SMARCE1: variants seen among roughly 807,000 people sequenced by gnomAD.
SMARCE1 encodes the protein SWI/SNF related BAF chromatin remodeling complex subunit E1.
Under a neutral mutation model 54.9 loss-of-function variants are expected in SMARCE1, and 13 were observed. That is an observed-to-expected ratio of 0.24 (90% CI 0.15 to 0.38). The LOEUF (loss-of-function observed/expected upper bound fraction) is 0.38. Among genes scored for constraint, SMARCE1 ranks in the 10% least tolerant of loss-of-function variants. The pLI is 1.00. For missense variants in SMARCE1, 295 were observed against 523.8 expected (o/e 0.56, Z 4.26); for synonymous variants, 151 against 175.3 (o/e 0.86, Z 1.10).
chr17:40,640,692 C>A (rs1190039918), intron 4 of SMARCE1: 4 of 152,188 alleles, frequency 2.6e-5, no homozygotes, highest in African/African-American at 9.7e-5. Context: ...GGCCCTTCTT[C>A]ATATAGCAGT....
chr17:40,643,549 T>C (rs1275377483), intron 3 of SMARCE1: 3 of 152,186 alleles, frequency 2.0e-5, no homozygotes, highest in Admixed American at 6.5e-5. Context: ...GCATAATGCA[T>C]AGAAAGAATA....
At chr17:40,636,737 A>T in intron 5 of SMARCE1, 1 of 443,532 alleles carries the variant, frequency 2.3e-6, no homozygotes, top group Non-Finnish European at 4.0e-6. Flanking sequence ...TAGATCTCAG[A>T]CATCACGTCA....
intron 4 of SMARCE1, among the ~76,000 whole-genome samples, chr17:40,639,126 G>C (rs926305353): frequency 1.3e-5 from 2 of 152,166 alleles, no homozygotes; most frequent in East Asian, 1.9e-4. Context: ...GTGGGTAAGA[G>C]AGTGAGATGG....
At chr17:40,631,496 AAC>A (rs2037095175) in intron 9 of SMARCE1, 94 bp downstream of exon 9, 6 of 670,986 alleles carry the variant, frequency 8.9e-6, no homozygotes, top group South Asian at 1.9e-5. Context: ...CAAAGTGAAC[AAC>A]ATTCAATAAA....
In SMARCE1 at chr17:40,626,321, C is replaced by T. The variant is rs1273600952; in HGVS notation, c.*2464G>A. ...GGCCCTCAGACTTTATGCATTCATA[C>T]TCAAAATAAATGCACTAAAAATCAA... On this transcript the variant is annotated 3_prime_UTR_variant, in exon 11 of 11. Transcript: ENST00000348513. 1 of 152,102 alleles carries T rather than the reference C, an allele frequency of 6.6e-6. No individual in the cohort carries two copies. The highest frequency in any genetic ancestry group is 1.5e-5 in the Non-Finnish European group (1 of 67,998). 9.4% of individuals were successfully genotyped at this position (152,102 alleles called of 1,614,324 possible).
chr17:40,640,391 T>G (rs2037186459), intron 4 of SMARCE1, among the ~76,000 whole-genome samples: 1 of 152,208 alleles, frequency 6.6e-6, no homozygotes, highest in South Asian at 2.1e-4. Flanking sequence ...ATTTACTGTC[T>G]GAGAACTACC....
In SMARCE1 at chr17:40,642,108, T is replaced by C. The variant is rs2037205229; in HGVS notation, c.156+347A>G. The C allele has an allele frequency of 2.5e-6, 1 of 393,296 alleles. No individual in the cohort carries two copies. Among genetic ancestry groups the C allele is most frequent in the South Asian group, 3.9e-5 (1 of 25,574 alleles). The allele number at this position is 393,296 out of a possible 1,614,324, so 24.4% of individuals were successfully genotyped here. ...CTAGAAACTCAATCCTTGAGACTAA[T>C]GCCAATCACCTTATAAAAATGAAAA... On this transcript the variant is annotated intron_variant, in intron 4 of 10. Transcript: ENST00000348513. This position sits in a 1 kb window ranked among gnomAD's most constrained non-coding sequence, Gnocchi z 4.6.
intron 9 of SMARCE1, 118 bp from the exon 10 acceptor site, chr17:40,631,042 GTA>G (rs750232855): frequency 4.9e-5 from 36 of 737,974 alleles, no homozygotes; most frequent in South Asian, 4.5e-4. Context: ...CTATACACCT[GTA>G]TGTGTGTGTG....
chr17:40,628,983 G>C lies in SMARCE1; in HGVS notation c.1038C>G (p.His346Gln), dbSNP rs1597741306. The C allele has an allele frequency of 2.5e-6, 4 of 1,613,314 alleles. No homozygotes were observed. Among genetic ancestry groups the C allele is most frequent in the Non-Finnish European group, 3.4e-6 (4 of 1,179,492 alleles). ...GTTGGCTCTCTGTTGTTTCTTCAAGGTGTGTCTCCTCTGTAATCACACATT... is the reference window on the plus strand; with the variant it reads ...GTTGGCTCTCTGTTGTTTCTTCAAGCTGTGTCTCCTCTGTAATCACACATT... Reference protein sequence around the residue: ...ENIPMETEETHLEETTESQQN... With the variant: ...ENIPMETEETQLEETTESQQN... Residue 346 changes from histidine (H) to glutamine (Q), a missense_variant, in exon 11 of 11, where the codon CAC becomes CAG. His to Gln is a conservative substitution (Grantham distance 24). Transcript: ENST00000348513.
chr17:40,631,225 C>T (rs1430195207), intron 9 of SMARCE1: 1 of 333,704 alleles, frequency 3.0e-6, no homozygotes, highest in African/African-American at 2.1e-5. Context: ...TTTGGGCTAC[C>T]AACTAGATTT....
chr17:40,641,475 A>G (rs2037199601), intron 4 of SMARCE1: 1 of 152,242 alleles, frequency 6.6e-6, no homozygotes, highest in Admixed American at 6.5e-5. Flanking sequence ...ACAAGCTTTC[A>G]GTTCCAGCTT....
chr17:40,637,223 T>C (rs934976564), intron 5 of SMARCE1: 7 of 439,064 alleles, frequency 1.6e-5, no homozygotes, highest in Non-Finnish European at 2.9e-5. Context: ...TTTCCTCACG[T>C]CATTAAATAT....
intron 3 of SMARCE1, chr17:40,644,170 A>G (rs2037227718): frequency 2.0e-5 from 3 of 152,202 alleles, no homozygotes; most frequent in Admixed American, 2.0e-4. Context: ...TGCATAATAA[A>G]TTATAAGGGG....
Position 40,625,235 on chromosome 17 carries a change from T to A in SMARCE1, c.*3550A>T, listed in dbSNP as rs1158502733. 4 of 152,274 alleles carry A rather than the reference T, an allele frequency of 2.6e-5. No homozygotes were observed. The highest frequency in any genetic ancestry group is 9.6e-5 in the African/African-American group (4 of 41,476). 9.4% of individuals were successfully genotyped at this position (152,274 alleles called of 1,614,324 possible). ...TTACAAATACATTTAGACATCGTTT[T>A]CTGCTAAACTCAGTATTTTCCTTTC... On this transcript the variant is annotated 3_prime_UTR_variant, in exon 11 of 11. Transcript: ENST00000348513.
Position 40,630,930 on chromosome 17 carries a change from C to T in SMARCE1, c.817-6G>A. The stretch of plus-strand genomic sequence containing the variant: ...TCTACTTTCAGACCGCACAACTAAT[C>T]AGAAAAAAACAGAACTCCGTAATGT... On this transcript the variant is annotated splice_polypyrimidine_tract_variant and splice_region_variant and intron_variant, in intron 9 of 10. Transcript: ENST00000348513. 6.3e-7 allele frequency: 1 copy of T among 1,599,442 alleles called. No homozygotes were observed. The highest frequency in any genetic ancestry group is 8.5e-7 in the Non-Finnish European group (1 of 1,170,444).
chr17:40,646,229 C>T (rs12452881), intron 1 of SMARCE1, among the ~76,000 whole-genome samples: 1,674 of 152,314 alleles, frequency 0.011, 11 homozygotes, highest in South Asian at 0.017. Flanking sequence ...ATACTGACAG[C>T]TCCCTGATCA....
At chr17:40,643,914 G>A (rs922469531) in intron 3 of SMARCE1, 1 of 152,670 alleles carries the variant, frequency 6.6e-6, no homozygotes, top group Non-Finnish European at 1.5e-5. Flanking sequence ...AGGCATGAAA[G>A]AAGTGTATAT....
At chr17:40,639,156 C>G (rs560646685) in intron 4 of SMARCE1, among the ~76,000 whole-genome samples, 1 of 152,236 alleles carries the variant, frequency 6.6e-6, no homozygotes, top group South Asian at 2.1e-4. Context: ...TGGAAACTGT[C>G]AAAAGTGGTA....
chr17:40,632,401 AC>A (rs762363853), intron 7 of SMARCE1, 34 bp from the exon 8 acceptor site: 1 of 1,583,328 alleles, frequency 6.3e-7, no homozygotes. Flanking sequence ...AAATCAGGTC[AC>A]CAGTAACCAT....
Sources: allele counts gnomAD v4.1 joint callset (sites outside exome capture counted in the v4.1 genomes callset), GRCh38; gene constraint gnomAD v4.1.1; non-coding constraint Gnocchi (gnomAD v3.1); transcripts MANE v1.5; gene names NCBI Gene and HGNC (gene_info 2026-07-23, HGNC 2026-07-21).